Variants in CDC37L1 observed in about 807,000 individuals in gnomAD.
CDC37L1 encodes cell division cycle 37 like 1, HSP90 cochaperone, also known as hsp90 co-chaperone Cdc37-like 1.
Under a neutral mutation model 45.9 loss-of-function variants are expected in CDC37L1, and 32 were observed. The ratio of observed to expected loss-of-function variants is 0.70; its 90% CI spans 0.53 to 0.94. CDC37L1 has a LOEUF of 0.94. Ranked by LOEUF, CDC37L1 falls within the 40% of genes least tolerant of loss-of-function variation. CDC37L1 has a pLI of 0.00. For missense variants in CDC37L1, 434 were observed against 405.7 expected, an observed-to-expected ratio of 1.07 and a Z score of -0.60; for synonymous variants, 150 against 133.0, an observed-to-expected ratio of 1.13 and a Z score of -0.88.
intron 3 of CDC37L1, among the ~76,000 whole-genome samples, chr9:4,690,400 G>C (rs969972599): frequency 6.6e-6 from 1 of 152,110 alleles, no homozygotes. Flanking sequence ...TCTCTGCAGT[G>C]CATTGTGCCG....
intron 3 of CDC37L1, among the ~76,000 whole-genome samples, chr9:4,691,981 A>C (rs374236696): frequency 1.3e-5 from 2 of 152,128 alleles, no homozygotes; most frequent in Admixed American, 6.6e-5. Flanking sequence ...TGAGTCATCT[A>C]ATTTTCAGAG....
chr9:4,682,580 C>A (rs1156872201), intron 1 of CDC37L1, among the ~76,000 whole-genome samples: 1 of 152,090 alleles, frequency 6.6e-6, no homozygotes, highest in Non-Finnish European at 1.5e-5. Context: ...CCGCCTCGGC[C>A]TCCTGAAGTG....
At chr9:4,679,966 G>C in intron 1 of CDC37L1, 67 bp downstream of exon 1, 5 of 1,589,370 alleles carry the variant, frequency 3.1e-6, no homozygotes, top group Non-Finnish European at 4.3e-6. Context: ...GGAATGCCGC[G>C]TCTCCCAGAC....
chr9:4,704,135 C>T (rs1355240206), intron 6 of CDC37L1, among the ~76,000 whole-genome samples: 1 of 152,120 alleles, frequency 6.6e-6, no homozygotes, highest in Non-Finnish European at 1.5e-5. Context: ...TAATAACATC[C>T]CATTTTTATA....
In CDC37L1 at chr9:4,697,861, A is replaced by T. The variant is rs780299848; in HGVS notation, c.729A>T (p.Leu243Phe). 2 of 1,613,148 alleles carry T rather than the reference A, an allele frequency of 1.2e-6. No homozygotes were observed. Among genetic ancestry groups the T allele is most frequent in the South Asian group, 2.2e-5 (2 of 90,962 alleles). Residue 243 changes from leucine (L) to phenylalanine (F), a missense_variant, in exon 5 of 7, where the codon TTA becomes TTT. Leu to Phe is a conservative substitution (Grantham distance 22). Coordinates refer to ENST00000381854, the MANE Select transcript of CDC37L1 (RefSeq NM_017913.4). ...TGGATCCAAGAGGGTGTTTTCGTTT[A>T]TTTTTCCAGAAAGCCAAAGTAAGTA... ...CNVDPRGCFR[L>F]FFQKAKAEEE...
rs1263640655 is a variant in CDC37L1, at chr9:4,679,872, C to G, written c.105C>G (p.Cys35Trp). 2 of 1,613,898 alleles carry G rather than the reference C, an allele frequency of 1.2e-6. No homozygotes were observed. The highest frequency in any genetic ancestry group is 1.7e-5 in the Admixed American group (1 of 60,028). Reference sequence around the variant, plus strand: ...ACGTGTTCCCCAGTTCTCCCCGCTGCCCGCAGCTGCCAGGCGGCGGCGCCC... The same window carrying G: ...ACGTGTTCCCCAGTTCTCCCCGCTGGCCGCAGCTGCCAGGCGGCGGCGCCC... The part of the protein sequence containing the change: ...DFDVFPSSPR[C>W]PQLPGGGAQM... The change falls in exon 1 of 7, where the codon TGC (cysteine) becomes TGG (tryptophan). Residue 35 changes from cysteine to tryptophan, a missense_variant. By Grantham distance (215) the Cys-to-Trp change is radical (BLOSUM62 -2). Transcript: ENST00000381854.
At chr9:4,682,712 A>G (rs954900931) in intron 1 of CDC37L1, among the ~76,000 whole-genome samples, 8 of 151,742 alleles carry the variant, frequency 5.3e-5, no homozygotes, top group African/African-American at 1.9e-4. Flanking sequence ...ACCTCAGGTA[A>G]TCCGCCCGCC....
At chr9:4,704,278 A>G (rs1469135520) in intron 6 of CDC37L1, among the ~76,000 whole-genome samples, 1 of 152,220 alleles carries the variant, frequency 6.6e-6, no homozygotes, top group East Asian at 1.9e-4. Flanking sequence ...CCTGAGGTCA[A>G]CACAATAAGT....
rs1337259897 is a variant in CDC37L1, at chr9:4,679,861, T to G, written c.94T>G (p.Ser32Ala). The G allele has an allele frequency of 6.2e-7, 1 of 1,613,740 alleles. No homozygotes were observed. Among genetic ancestry groups the G allele is most frequent in the Non-Finnish European group, 8.5e-7 (1 of 1,179,942 alleles). Residue 32 changes from serine (S) to alanine (A), a missense_variant, in exon 1 of 7, where the codon TCT becomes GCT. By Grantham distance (99) the Ser-to-Ala change is moderately conservative. Coordinates refer to ENST00000381854, the MANE Select transcript of CDC37L1 (RefSeq NM_017913.4). ...GAGTGACTTCGACGTGTTCCCCAGT[T>G]CTCCCCGCTGCCCGCAGCTGCCAGG... is the stretch of plus-strand genomic sequence containing the variant. ...EESDFDVFPS[S>A]PRCPQLPGGG... is the part of the protein sequence containing the mutation.
intron 5 of CDC37L1, among the ~76,000 whole-genome samples, chr9:4,701,399 T>A (rs928955391): frequency 1.3e-5 from 2 of 152,206 alleles, no homozygotes; most frequent in Admixed American, 6.5e-5. Context: ...GTAGGGAATA[T>A]ACAGTTAGAA....
intron 3 of CDC37L1, among the ~76,000 whole-genome samples, chr9:4,691,309 T>C (rs553055679): frequency 6.6e-6 from 1 of 152,314 alleles, no homozygotes; most frequent in African/African-American, 2.4e-5. Context: ...CATTAGTTAT[T>C]TTTCCTGATC....
chr9:4,698,733 A>T (rs925496669), intron 5 of CDC37L1, among the ~76,000 whole-genome samples: 4 of 152,148 alleles, frequency 2.6e-5, no homozygotes, highest in Admixed American at 1.3e-4. Flanking sequence ...AGACCTTTTC[A>T]GGAGGTTCTC....
chr9:4,706,069 T>C lies in CDC37L1; in HGVS notation c.971T>C (p.Val324Ala). The C allele has an allele frequency of 6.2e-7, 1 of 1,606,834 alleles. No individual in the cohort carries two copies. The highest frequency in any genetic ancestry group is 2.2e-5 in the East Asian group (1 of 44,806). The change falls in exon 7 of 7, where the codon GTA becomes GCA. Residue 324 changes from valine to alanine, a missense_variant. Physicochemically the swap from Val to Ala is moderately conservative, Grantham distance 64. Transcript: ENST00000381854. ...GCTCTCTGCAGCTTAAACTCGGTGG[T>C]ACATAAAGAAGATGATGAACCCAAA... ...STALCSLNSV[V>A]HKEDDEPKMM...
intron 1 of CDC37L1, among the ~76,000 whole-genome samples, chr9:4,683,394 C>T (rs559517506): frequency 1.3e-5 from 2 of 151,992 alleles, no homozygotes; most frequent in South Asian, 2.1e-4. Context: ...ATATGCATAA[C>T]TTGGGTCGGG....
chr9:4,686,130 C>T (rs988389987), intron 2 of CDC37L1, among the ~76,000 whole-genome samples: 2 of 152,172 alleles, frequency 1.3e-5, no homozygotes, highest in South Asian at 4.1e-4. Flanking sequence ...GAGATCGTGC[C>T]ACTACACTCC....
intron 2 of CDC37L1, 108 bp from the exon 3 acceptor site, chr9:4,688,405 A>C: frequency 1.6e-6 from 1 of 616,752 alleles, no homozygotes; most frequent in Non-Finnish European, 2.6e-6. Flanking sequence ...GTATGATACT[A>C]TACCACATAT....
intron 3 of CDC37L1, among the ~76,000 whole-genome samples, chr9:4,690,858 G>A (rs1252998844): frequency 1.3e-5 from 2 of 152,296 alleles, no homozygotes; most frequent in South Asian, 2.1e-4. Context: ...CTCTCAAAAT[G>A]TTCATGTGTT....
intron 5 of CDC37L1, among the ~76,000 whole-genome samples, chr9:4,699,537 G>T (rs1841378915): frequency 6.6e-6 from 1 of 151,840 alleles, no homozygotes; most frequent in African/African-American, 2.4e-5. Context: ...GATGCTAAAT[G>T]GATATATCTA....
At chr9:4,685,743 G>A (rs796670375) in intron 2 of CDC37L1, among the ~76,000 whole-genome samples, 1 of 152,090 alleles carries the variant, frequency 6.6e-6, no homozygotes, top group Non-Finnish European at 1.5e-5. Context: ...CAAACTTCAG[G>A]GTTTTATACC....
Sources: allele counts gnomAD v4.1 joint callset (sites outside exome capture counted in the v4.1 genomes callset), GRCh38; gene constraint gnomAD v4.1.1; transcripts MANE v1.5; gene names NCBI Gene and HGNC (gene_info 2026-07-23, HGNC 2026-07-21).